HECW1: variants seen among roughly 807,000 people sequenced by gnomAD.
The protein encoded by HECW1 is E3 ubiquitin-protein ligase HECW1.
In HECW1, 61 loss-of-function variants were observed where a neutral mutation model predicts 182.3. That is an observed-to-expected ratio of 0.33 (90% CI 0.27 to 0.41). The LOEUF (loss-of-function observed/expected upper bound fraction) is 0.41. HECW1 is among the 10% of genes least tolerant of loss of function. The pLI, the probability that HECW1 is intolerant of heterozygous loss-of-function variation, is 1.00. For synonymous variants in HECW1, 859 were observed against 832.6 expected (o/e 1.03, Z -0.55); for missense variants, 1,739 against 2,108.9 (o/e 0.82, Z 3.44).
chr7:43,512,212 A>G (rs866379355), intron 24 of HECW1: 2 of 223,272 alleles, frequency 9.0e-6, no homozygotes, highest in Non-Finnish European at 1.8e-5. Flanking sequence ...CTATGGGCAC[A>G]GCCTTGACTT....
At chr7:43,239,694 C>A (rs867538355) in intron 2 of HECW1, among the ~76,000 whole-genome samples, 1 of 152,204 alleles carries the variant, frequency 6.6e-6, no homozygotes, top group Non-Finnish European at 1.5e-5. Flanking sequence ...GGCACTTGCC[C>A]CAGCTGACCA....
chr7:43,398,609 G>C (rs181147746), intron 7 of HECW1, among the ~76,000 whole-genome samples: 1 of 151,574 alleles, frequency 6.6e-6, no homozygotes, highest in South Asian at 2.1e-4. Flanking sequence ...GTATATCTAG[G>C]CTGAAGAAAA....
At chr7:43,224,547 G>T (rs562714741) in intron 2 of HECW1, among the ~76,000 whole-genome samples, 5 of 152,216 alleles carry the variant, frequency 3.3e-5, no homozygotes, top group Non-Finnish European at 7.3e-5. Context: ...AAGGCCAAGC[G>T]CAGTGGCTCA....
intron 5 of HECW1, among the ~76,000 whole-genome samples, chr7:43,356,306 T>C (rs1297374298): frequency 6.6e-6 from 1 of 151,976 alleles, no homozygotes; most frequent in East Asian, 1.9e-4. Flanking sequence ...TAAAAAGAGA[T>C]AAAGAAGGTC....
intron 26 of HECW1, among the ~76,000 whole-genome samples, chr7:43,548,589 G>C (rs1338212021): frequency 1.3e-5 from 2 of 152,208 alleles, no homozygotes; most frequent in Non-Finnish European, 2.9e-5. Context: ...TCAGCTACTA[G>C]TGAAGAAGCC....
chr7:43,270,411 C>T (rs1361406094), intron 3 of HECW1, among the ~76,000 whole-genome samples: 1 of 152,194 alleles, frequency 6.6e-6, no homozygotes, highest in African/African-American at 2.4e-5. Flanking sequence ...CTCGGGCTCT[C>T]CACAGGACTG....
rs1173404599 is a variant in HECW1 at position 43,233,308 on chromosome 7, A to G, written c.-31-10567A>G. Among the ~76,000 whole-genome samples the G allele has an allele frequency of 2.0e-5, 3 of 152,296 alleles. No individual in the cohort carries two copies. The East Asian group carries it at 5.8e-4, about 29-fold the overall frequency. On this transcript the variant is annotated intron_variant, in intron 2 of 29. Coordinates refer to ENST00000395891, the MANE Select transcript of HECW1 (RefSeq NM_015052.5). ...TTATTTAGTCTCCAGGACTTTTTAG[A>G]TTCTATTATGGTAAAGACAAGAGTT...
rs1393470046 is a variant in HECW1, at chr7:43,456,395, G to C, written c.2599G>C (p.Asp867His). The change falls in exon 13 of 30, where the codon GAT becomes CAT. Residue 867 changes from aspartate (D) to histidine (H), a missense_variant. Coordinates refer to ENST00000395891, the MANE Select transcript of HECW1 (RefSeq NM_015052.5). ...GCGTCCGACGGCAGCAGCCACCCCG[G>C]ATGGCATGCGGAGATCGGGGTCCAT... ...WQRPTAAATP[D>H]GMRRSGSIQQ... is the part of the protein sequence containing the mutation. 1.9e-6 allele frequency: 3 copies of C among 1,614,134 alleles called. No individual in the cohort carries two copies. Among genetic ancestry groups the C allele is most frequent in the Non-Finnish European group, 2.5e-6 (3 of 1,180,000 alleles).
intron 13 of HECW1, among the ~76,000 whole-genome samples, chr7:43,459,633 G>A (rs2077514797): frequency 6.6e-6 from 1 of 152,026 alleles, no homozygotes; most frequent in African/African-American, 2.4e-5. Flanking sequence ...CGCCTCCCGG[G>A]TTCAAGCGAT....
chr7:43,264,649 T>C (rs973110987), intron 3 of HECW1, among the ~76,000 whole-genome samples: 1 of 151,924 alleles, frequency 6.6e-6, no homozygotes, highest in South Asian at 2.1e-4. Flanking sequence ...ACCAAGACCA[T>C]CCTGGCTAAC....
intron 2 of HECW1, among the ~76,000 whole-genome samples, chr7:43,159,524 C>G (rs75786484): frequency 0.02 from 3,051 of 152,124 alleles, 86 homozygotes; most frequent in African/African-American, 0.069. Flanking sequence ...AAAAGTAGAA[C>G]TTGGGCACAG....
At chr7:43,259,352 G>A (rs527524531) in intron 3 of HECW1, among the ~76,000 whole-genome samples, 18 of 150,182 alleles carry the variant, frequency 1.2e-4, no homozygotes, top group East Asian at 1.2e-3. Context: ...GCAGTGCTGC[G>A]CTCCAGCCTG....
At chr7:43,396,501 T>G (rs1053765147) in intron 6 of HECW1, among the ~76,000 whole-genome samples, 5 of 152,232 alleles carry the variant, frequency 3.3e-5, no homozygotes, top group Admixed American at 1.3e-4. Flanking sequence ...TAATAAATAC[T>G]TTTTGCAAAT....
In HECW1 at chr7:43,387,672, A is replaced by G. The variant is rs76081187; in HGVS notation, c.556-9142A>G. Among the ~76,000 whole-genome samples the G allele has an allele frequency of 7.3e-3, 1,118 of 152,356 alleles. 11 individuals carry two copies. Among genetic ancestry groups the G allele is most frequent in the African/African-American group, 0.026 (1,064 of 41,588 alleles). ...TTGGTTTTCAGCTTATGGTATATTT[A>G]TAACTCTTCTAAGCTGGACCAAATG... On this transcript the variant is annotated intron_variant, in intron 6 of 29. Coordinates refer to ENST00000395891, the MANE Select transcript of HECW1 (RefSeq NM_015052.5).
intron 5 of HECW1, among the ~76,000 whole-genome samples, chr7:43,359,649 G>T (rs1815621291): frequency 6.6e-6 from 1 of 152,210 alleles, no homozygotes; most frequent in Middle Eastern, 3.4e-3. Context: ...AATCTCAGAA[G>T]ATTGTTATTT....
chr7:43,270,835 A>G (rs945663936), intron 3 of HECW1, among the ~76,000 whole-genome samples: 1 of 152,240 alleles, frequency 6.6e-6, no homozygotes, highest in African/African-American at 2.4e-5. Context: ...TACACCAGTG[A>G]TATCAAATTG....
At chr7:43,516,754 T>C (rs1254073936) in intron 24 of HECW1, among the ~76,000 whole-genome samples, 2 of 152,210 alleles carry the variant, frequency 1.3e-5, no homozygotes, top group African/African-American at 4.8e-5. Context: ...GTGAACATCA[T>C]AGAGTGGAAT....
intron 6 of HECW1, among the ~76,000 whole-genome samples, chr7:43,378,918 G>T (rs573902209): frequency 7.2e-5 from 11 of 152,090 alleles, no homozygotes; most frequent in Non-Finnish European, 1.6e-4. Flanking sequence ...AACCCTTTGC[G>T]CTTTGAACAG....
At chr7:43,136,173 C>T (rs938825837) in intron 2 of HECW1, among the ~76,000 whole-genome samples, 1 of 152,030 alleles carries the variant, frequency 6.6e-6, no homozygotes, top group African/African-American at 2.4e-5. Context: ...GTGGGTTCTG[C>T]CTGAATCAGA....
Sources: allele counts gnomAD v4.1 joint callset (sites outside exome capture counted in the v4.1 genomes callset), GRCh38; gene constraint gnomAD v4.1.1; transcripts MANE v1.5; gene names NCBI Gene and HGNC (gene_info 2026-07-23, HGNC 2026-07-21).